The following GSTCD variants were observed in gnomAD, a reference collection of about 807,000 sequenced individuals.
GSTCD encodes glutathione S-transferase C-terminal domain-containing protein.
GSTCD carries 44 observed loss-of-function variants against 68.3 expected under a neutral mutation model. That is an observed-to-expected ratio of 0.64 (90% CI 0.51 to 0.83). GSTCD has a LOEUF of 0.83. Among genes scored for constraint, GSTCD ranks in the 40% least tolerant of loss-of-function variants. The pLI, the probability that GSTCD is intolerant of heterozygous loss-of-function variation, is 0.00. For synonymous variants in GSTCD, 273 were observed against 255.2 expected, an observed-to-expected ratio of 1.07 and a Z score of -0.67; for missense variants, 739 against 735.9, an observed-to-expected ratio of 1.00 and a Z score of -0.05.
chr4:105,839,559 C>T (rs1186822759), intron 10 of GSTCD, among the ~76,000 whole-genome samples: 1 of 152,110 alleles, frequency 6.6e-6, no homozygotes, highest in African/African-American at 2.4e-5. Flanking sequence ...TGATTGAGAT[C>T]AGGAGGCAGA....
At chr4:105,801,359 A>C (rs1481826573) in intron 5 of GSTCD, among the ~76,000 whole-genome samples, 1 of 152,140 alleles carries the variant, frequency 6.6e-6, no homozygotes, top group African/African-American at 2.4e-5. Flanking sequence ...ACAAATATAG[A>C]ATCTGCAAAT....
At chr4:105,813,344 C>G (rs1722829453) in intron 5 of GSTCD, among the ~76,000 whole-genome samples, 1 of 152,102 alleles carries the variant, frequency 6.6e-6, no homozygotes. Flanking sequence ...TGCTCCAAAA[C>G]CTGGAACTTT....
At chr4:105,844,553 T>C (rs558536559) in intron 11 of GSTCD, among the ~76,000 whole-genome samples, 2 of 152,342 alleles carry the variant, frequency 1.3e-5, no homozygotes, top group South Asian at 2.1e-4. Context: ...GAAGTTGTTT[T>C]AGTTTATCAG....
chr4:105,787,363 T>C (rs1382665266), intron 5 of GSTCD, among the ~76,000 whole-genome samples: 1 of 152,074 alleles, frequency 6.6e-6, no homozygotes, highest in Non-Finnish European at 1.5e-5. Context: ...GGTACTTAGA[T>C]TGTTGTCCCT....
chr4:105,710,376 A>G (rs1250443652), intron 1 of GSTCD, among the ~76,000 whole-genome samples: 1 of 140,084 alleles, frequency 7.1e-6, no homozygotes, highest in Admixed American at 7.3e-5. Context: ...GCCCACAATC[A>G]CACTCGGCTC....
rs113661557 is a variant in GSTCD at position 105,774,733 on chromosome 4, C to T, written c.1240+45234C>T. Among the ~76,000 whole-genome samples the T allele has an allele frequency of 8.3e-3, 1,269 of 152,268 alleles. 10 individuals are homozygous for T. Among genetic ancestry groups the T allele is most frequent in the Middle Eastern group, 0.031 (9 of 294 alleles). On this transcript the variant is annotated intron_variant, in intron 5 of 11. Coordinates refer to ENST00000515279, the MANE Select transcript of GSTCD (RefSeq NM_001370181.1). Reference sequence around the variant, plus strand: ...TCAGAGAGATCCGCTGTTAGTCTGACGGGCTTCCCTTTGTGGGTAACCTGA... The same window carrying T: ...TCAGAGAGATCCGCTGTTAGTCTGATGGGCTTCCCTTTGTGGGTAACCTGA...
intron 5 of GSTCD, among the ~76,000 whole-genome samples, chr4:105,807,564 A>G (rs931101044): frequency 1.3e-5 from 2 of 152,018 alleles, no homozygotes; most frequent in African/African-American, 4.8e-5. Flanking sequence ...TATTCTAGGT[A>G]TTTTACAGAA....
At chr4:105,777,948 T>G (rs1735135830) in intron 5 of GSTCD, among the ~76,000 whole-genome samples, 1 of 152,164 alleles carries the variant, frequency 6.6e-6, no homozygotes, top group South Asian at 2.1e-4. Context: ...TAGCAAGTGT[T>G]TAATACATAT....
chr4:105,811,197 T>C (rs1315249551), intron 5 of GSTCD, among the ~76,000 whole-genome samples: 1 of 152,086 alleles, frequency 6.6e-6, no homozygotes, highest in African/African-American at 2.4e-5. Context: ...ATAGAAAAGG[T>C]ATTAATTTTC....
At chr4:105,821,702 C>T (rs1723300753) in intron 5 of GSTCD, among the ~76,000 whole-genome samples, 1 of 151,700 alleles carries the variant, frequency 6.6e-6, no homozygotes, top group African/African-American at 2.4e-5. Context: ...AGATAGGAAG[C>T]AACGCATTGA....
intron 1 of GSTCD, among the ~76,000 whole-genome samples, chr4:105,716,563 C>T (rs1191526591): frequency 6.6e-6 from 1 of 152,180 alleles, no homozygotes; most frequent in Non-Finnish European, 1.5e-5. Context: ...ATCAGATTCT[C>T]ATAGGAGCTC....
At chr4:105,805,253 A>G (rs1327501014) in intron 5 of GSTCD, among the ~76,000 whole-genome samples, 1 of 152,070 alleles carries the variant, frequency 6.6e-6, no homozygotes, top group African/African-American at 2.4e-5. Context: ...TAGAAGCTTT[A>G]TGTATTTCTC....
chr4:105,735,445 A>G (rs1733427219), intron 5 of GSTCD, among the ~76,000 whole-genome samples: 1 of 152,194 alleles, frequency 6.6e-6, no homozygotes, highest in Non-Finnish European at 1.5e-5. Flanking sequence ...GCAATGAGCA[A>G]GGCTCCGTTG....
chr4:105,774,075 T>G (rs1734958792), intron 5 of GSTCD, among the ~76,000 whole-genome samples: 1 of 152,216 alleles, frequency 6.6e-6, no homozygotes. Flanking sequence ...GATAGTTAGC[T>G]CTTCTTATTG....
At chr4:105,809,816 A>T (rs1030907910) in intron 5 of GSTCD, among the ~76,000 whole-genome samples, 1 of 151,778 alleles carries the variant, frequency 6.6e-6, no homozygotes, top group Non-Finnish European at 1.5e-5. Flanking sequence ...TTTCCTCCTA[A>T]GACATTGTTT....
chr4:105,812,660 TA>T (rs1722803531), intron 5 of GSTCD, among the ~76,000 whole-genome samples: 1 of 152,184 alleles, frequency 6.6e-6, no homozygotes, highest in African/African-American at 2.4e-5. Context: ...TGAATATATA[TA>T]TTTTTTTTAC....
At chr4:105,748,416 T>C (rs1354812610) in intron 5 of GSTCD, among the ~76,000 whole-genome samples, 5 of 152,202 alleles carry the variant, frequency 3.3e-5, no homozygotes, top group Admixed American at 3.3e-4. Flanking sequence ...ATTCAAAACC[T>C]GCCCATATTT....
At chr4:105,712,258 G>A (rs1311291540) in intron 1 of GSTCD, among the ~76,000 whole-genome samples, 3 of 152,178 alleles carry the variant, frequency 2.0e-5, no homozygotes, top group South Asian at 4.1e-4. Context: ...GTCAGGAGAG[G>A]CTGTTCTGAG....
chr4:105,726,726 A>C lies in GSTCD; in HGVS notation c.1042A>C (p.Thr348Pro), dbSNP rs1419054748. The change falls in exon 4 of 12, where the codon ACC becomes CCC. Residue 348 changes from threonine (T) to proline (P), a missense_variant. Transcript: ENST00000515279. ...QFLHLPKLLT[T>P]STEQHPNLCE... ...TCTCCATTTACCAAAGTTGTTGACA[A>C]CCTCAACTGAACAGCATCCAAACTT... The C allele has an allele frequency of 6.2e-7, 1 of 1,613,948 alleles. No homozygotes were observed. The highest frequency in any genetic ancestry group is 8.5e-7 in the Non-Finnish European group (1 of 1,179,912).
Sources: gnomAD v4.1 joint callset for allele counts (sites outside exome capture counted in the v4.1 genomes callset) on GRCh38, gnomAD v4.1.1 for gene constraint, MANE v1.5 for transcripts, NCBI Gene and HGNC (gene_info 2026-07-23, HGNC 2026-07-21) for gene names.